FHOD3: variants seen among roughly 807,000 people sequenced by gnomAD.
The protein encoded by FHOD3 is FH1/FH2 domain-containing protein 3.
In FHOD3, 90 loss-of-function variants were observed where a neutral mutation model predicts 173.0. The observed-to-expected ratio is 0.52, with a 90% CI of 0.44 to 0.62. FHOD3 has a LOEUF of 0.62. FHOD3 is among the 20% of genes least tolerant of loss of function. The probability of loss-of-function intolerance (pLI) is 0.00; values close to 1 mark genes in which losing one functional copy is unlikely to be tolerated. For synonymous variants in FHOD3, 828 were observed against 823.0 expected (o/e 1.01, Z -0.10); for missense variants, 1,945 against 2,034.7 (o/e 0.96, Z 0.85).
chr18:36,389,183 AAAG>A (rs565339213), intron 3 of FHOD3, among the ~76,000 whole-genome samples: 29 of 152,204 alleles, frequency 1.9e-4, no homozygotes, highest in African/African-American at 5.3e-4. Context: ...CTTCAAAAAA[AAAG>A]AAGAAGAAGA....
intron 3 of FHOD3, among the ~76,000 whole-genome samples, chr18:36,379,541 A>G (rs796735805): frequency 6.6e-5 from 10 of 152,372 alleles, no homozygotes; most frequent in African/African-American, 2.4e-4. Context: ...AACAAGGAAC[A>G]TGAAAATCTG....
intron 28 of FHOD3, among the ~76,000 whole-genome samples, chr18:36,776,036 C>T (rs1000634091): frequency 1.3e-5 from 2 of 152,144 alleles, no homozygotes; most frequent in African/African-American, 4.8e-5. Context: ...AGGTGTCATC[C>T]GCAGCCAGCC....
chr18:36,648,959 G>A (rs527462708), intron 10 of FHOD3, among the ~76,000 whole-genome samples: 1 of 152,316 alleles, frequency 6.6e-6, no homozygotes, highest in Non-Finnish European at 1.5e-5. Flanking sequence ...GATTCTGTGT[G>A]GAGGAGAAAA....
chr18:36,548,205 A>G (rs28442172), intron 5 of FHOD3, among the ~76,000 whole-genome samples: 18,093 of 152,130 alleles, frequency 0.12, 1,158 homozygotes, highest in Middle Eastern at 0.17. Flanking sequence ...AACAAAAAAA[A>G]AATTCTGTAC....
At chr18:36,445,362 A>G (rs900204028) in intron 3 of FHOD3, among the ~76,000 whole-genome samples, 2 of 152,192 alleles carry the variant, frequency 1.3e-5, no homozygotes, top group African/African-American at 4.8e-5. Flanking sequence ...GGTGTGGGCT[A>G]AAAACTTCTG....
In FHOD3 at chr18:36,394,725, A is replaced by G. The variant is rs567539681; in HGVS notation, c.337+21981A>G. On this transcript the variant is annotated intron_variant, in intron 3 of 28. Coordinates refer to ENST00000590592, the MANE Select transcript of FHOD3 (RefSeq NM_001281740.3). ...CATCACTTGCCCCAGGCCTGTAATC[A>G]ACTATGTCTCTAGGAAGCCCAGTTT... 9.2e-5 allele frequency among the ~76,000 whole-genome samples: 14 copies of G among 152,262 alleles called. No individual in the cohort carries two copies. The East Asian group carries it at 2.5e-3, about 27-fold the overall frequency.
At chr18:36,730,306 A>G (rs1330698215) in intron 19 of FHOD3, among the ~76,000 whole-genome samples, 1 of 152,258 alleles carries the variant, frequency 6.6e-6, no homozygotes, top group Admixed American at 6.5e-5. Flanking sequence ...AAAGCCCACA[A>G]GAAAGGAATT....
At chr18:36,603,319 G>A (rs574149892) in intron 8 of FHOD3, among the ~76,000 whole-genome samples, 7 of 152,042 alleles carry the variant, frequency 4.6e-5, no homozygotes, top group Admixed American at 3.9e-4. Flanking sequence ...TGTGCAGTAC[G>A]GGAGAAAATC....
At chr18:36,458,306 G>C (rs1366958086) in intron 3 of FHOD3, among the ~76,000 whole-genome samples, 1 of 152,110 alleles carries the variant, frequency 6.6e-6, no homozygotes, top group Non-Finnish European at 1.5e-5. Context: ...GTGGACTTGT[G>C]GTTCCCTCTG....
intron 5 of FHOD3, among the ~76,000 whole-genome samples, chr18:36,553,339 G>A (rs2057739855): frequency 1.3e-5 from 2 of 152,316 alleles, no homozygotes; most frequent in South Asian, 4.1e-4. Flanking sequence ...CTCATAAAAT[G>A]AGTTAGGGAG....
At chr18:36,518,327 T>G (rs1326553648) in intron 5 of FHOD3, among the ~76,000 whole-genome samples, 2 of 152,210 alleles carry the variant, frequency 1.3e-5, no homozygotes, top group East Asian at 1.9e-4. Context: ...GGAAGCTCTT[T>G]CCTGCCTCTT....
intron 5 of FHOD3, among the ~76,000 whole-genome samples, chr18:36,525,019 G>C (rs2056448361): frequency 6.6e-6 from 1 of 152,206 alleles, no homozygotes; most frequent in South Asian, 2.1e-4. Context: ...TAAATCCTGT[G>C]ATAGGCAGAA....
intron 3 of FHOD3, among the ~76,000 whole-genome samples, chr18:36,373,091 T>C (rs2047271774): frequency 6.6e-6 from 1 of 152,088 alleles, no homozygotes; most frequent in Admixed American, 6.6e-5. Flanking sequence ...GGCATGCCTG[T>C]GGGCAAGTGG....
chr18:36,428,532 G>A (rs1599077026), intron 3 of FHOD3, among the ~76,000 whole-genome samples: 1 of 152,170 alleles, frequency 6.6e-6, no homozygotes, highest in Admixed American at 6.5e-5. Context: ...GAAGAGCAAC[G>A]AGGCTTCTGA....
intron 9 of FHOD3, among the ~76,000 whole-genome samples, chr18:36,621,283 A>G (rs1477723494): frequency 6.6e-6 from 1 of 152,192 alleles, no homozygotes; most frequent in Non-Finnish European, 1.5e-5. Flanking sequence ...AATAGGTCCA[A>G]TCTCTGAAGA....
chr18:36,421,796 T>C (rs1465073673), intron 3 of FHOD3, among the ~76,000 whole-genome samples: 4 of 152,200 alleles, frequency 2.6e-5, no homozygotes, highest in Non-Finnish European at 2.9e-5. Flanking sequence ...AGGTCCATGC[T>C]GGTTCCTGGG....
intron 1 of FHOD3, 123 bp downstream of exon 1, chr18:36,298,123 T>G: frequency 1.2e-6 from 1 of 821,476 alleles, no homozygotes; most frequent in Non-Finnish European, 1.7e-6. Flanking sequence ...GGGGGGACCA[T>G]CGCTCGAGGG....
At chr18:36,378,122 G>C in intron 3 of FHOD3, among the ~76,000 whole-genome samples, 2 of 152,140 alleles carry the variant, frequency 1.3e-5, no homozygotes, top group Admixed American at 1.3e-4. Flanking sequence ...AGAAGCCCTG[G>C]AAACCATCTC....
At chr18:36,619,557 C>T (rs2033528456) in intron 9 of FHOD3, among the ~76,000 whole-genome samples, 1 of 152,182 alleles carries the variant, frequency 6.6e-6, no homozygotes, top group South Asian at 2.1e-4. Context: ...TAGCTCTGGC[C>T]CTCATCGTTT....
Sources: gnomAD v4.1 joint callset for allele counts (sites outside exome capture counted in the v4.1 genomes callset) on GRCh38, gnomAD v4.1.1 for gene constraint, MANE v1.5 for transcripts, NCBI Gene and HGNC (gene_info 2026-07-23, HGNC 2026-07-21) for gene names.